ZNF18: variants seen among roughly 807,000 people sequenced by gnomAD.
ZNF18 encodes the protein zinc finger protein 18, also known as heart development-specific gene 1 protein.
A neutral mutation model predicts 58.1 loss-of-function variants in ZNF18; 42 were observed. That is an observed-to-expected ratio of 0.72 (90% CI 0.56 to 0.93). The LOEUF (loss-of-function observed/expected upper bound fraction) is 0.93. ZNF18 is among the 40% of genes least tolerant of loss of function. The pLI is 0.00. For synonymous variants in ZNF18, 231 were observed against 239.8 expected (o/e 0.96, Z 0.34); for missense variants, 540 against 644.2 (o/e 0.84, Z 1.75).
chr17:12,001,627 T>C (rs1332453139), upstream of ZNF18, among the ~76,000 whole-genome samples: 1 of 150,940 alleles, frequency 6.6e-6, no homozygotes, highest in Non-Finnish European at 1.5e-5. Context: ...AGACTCCGTC[T>C]CAAAACAAAC....
intron 4 of ZNF18, among the ~76,000 whole-genome samples, chr17:11,986,104 T>C (rs11078047): frequency 0.24 from 36,364 of 152,148 alleles, 5,173 homozygotes; most frequent in Middle Eastern, 0.35. Flanking sequence ...GTTCTCATCA[T>C]AGTGAATAAG....
chr17:12,000,181 A>C (rs150557525), upstream of ZNF18, among the ~76,000 whole-genome samples: 1,364 of 152,262 alleles, frequency 9.0e-3, 21 homozygotes, highest in African/African-American at 0.031. Context: ...TCAGTCTCCC[A>C]AAGTGCTGGA....
At chr17:12,007,872 C>T in the ZNF18 span, among the ~76,000 whole-genome samples, 1 of 152,018 alleles carries the variant, frequency 6.6e-6, no homozygotes, top group Non-Finnish European at 1.5e-5. Context: ...TCTGTCACTG[C>T]TAATTAGCAC....
chr17:12,021,171 C>G, the ZNF18 span, among the ~76,000 whole-genome samples: 2 of 151,620 alleles, frequency 1.3e-5, no homozygotes, highest in African/African-American at 2.4e-5. Context: ...GCCTCCGGCC[C>G]GGCTTGGATC....
chr17:11,991,233 T>C, intron 2 of ZNF18, 70 bp from the exon 3 acceptor site: 1 of 1,367,028 alleles, frequency 7.3e-7, no homozygotes, highest in Non-Finnish European at 1.0e-6. Context: ...ACACAAAGCT[T>C]ACTCTCTACA....
chr17:12,017,706 C>A, the ZNF18 span, among the ~76,000 whole-genome samples: 1 of 151,682 alleles, frequency 6.6e-6, no homozygotes, highest in Admixed American at 6.6e-5. Flanking sequence ...GGTGAAACCC[C>A]GTCTCTACTA....
the ZNF18 span, chr17:12,021,447 C>T: frequency 6.6e-6 from 1 of 151,936 alleles, no homozygotes; most frequent in East Asian, 1.9e-4. Context: ...GACAGCGGCC[C>T]CGGCCGGCGC....
chr17:11,988,691 C>T (rs1597967032), intron 4 of ZNF18, among the ~76,000 whole-genome samples: 6 of 152,118 alleles, frequency 3.9e-5, no homozygotes, highest in Admixed American at 6.5e-5. Flanking sequence ...GAATAATCCT[C>T]GACTAAATGT....
At chr17:12,006,963 T>G in the ZNF18 span, among the ~76,000 whole-genome samples, 1 of 152,228 alleles carries the variant, frequency 6.6e-6, no homozygotes, top group Admixed American at 6.5e-5. Flanking sequence ...ATTCTGTGAC[T>G]GTGGCCTCAT....
the ZNF18 span, chr17:12,020,954 C>G: frequency 8.2e-7 from 1 of 1,216,856 alleles, no homozygotes; most frequent in African/African-American, 1.6e-5. Context: ...ACCCCCGGCC[C>G]CGTAGGGTCC....
At chr17:12,000,218 C>A (rs754078764), upstream of ZNF18, among the ~76,000 whole-genome samples, 7 of 152,040 alleles carry the variant, frequency 4.6e-5, no homozygotes. Flanking sequence ...ACCAGGCCCA[C>A]CCATAAACGT....
intron 4 of ZNF18, among the ~76,000 whole-genome samples, chr17:11,990,201 T>C (rs2151481566): frequency 6.6e-6 from 1 of 152,200 alleles, no homozygotes; most frequent in African/African-American, 2.4e-5. Flanking sequence ...AATCAAATTG[T>C]TTTAAAAAAT....
chr17:12,004,933 A>G, the ZNF18 span, among the ~76,000 whole-genome samples: 2 of 150,884 alleles, frequency 1.3e-5, no homozygotes, highest in Non-Finnish European at 3.0e-5. Context: ...TTATATCTCT[A>G]TCACTATACT....
chr17:12,011,284 AAG>A, the ZNF18 span: 1 of 312,200 alleles, frequency 3.2e-6, no homozygotes, highest in Non-Finnish European at 6.0e-6. Flanking sequence ...GAAACTTTAA[AAG>A]AATATAAATG....
At position 11,978,840 on chromosome 17, in the gene ZNF18, C is replaced by CTTTTTT. The variant is rs56969015; in HGVS notation, c.863-102_863-97dup. The CTTTTTT allele has an allele frequency of 5.8e-4, 70 of 120,550 alleles. 2 individuals are homozygous for CTTTTTT. Among genetic ancestry groups the CTTTTTT allele is most frequent in the African/African-American group, 1.1e-3 (21 of 19,448 alleles). The allele number at this position is 120,550 out of a possible 1,614,324, so 7.5% of individuals were successfully genotyped here. On this transcript the variant is annotated intron_variant, in intron 6 of 6. Coordinates refer to ENST00000580306, the MANE Select transcript of ZNF18 (RefSeq NM_001303281.2). ...AGGGTCATCATAAAACATTCATTTT[C>CTTTTTT]TTTTTTTTTTTTTTTTTTTTTTTTT...
the ZNF18 span, among the ~76,000 whole-genome samples, chr17:12,008,959 C>T: frequency 7.9e-5 from 12 of 152,300 alleles, no homozygotes; most frequent in Non-Finnish European, 1.5e-4. Context: ...GTCCAAAATT[C>T]GGAGCATAGC....
the ZNF18 span, among the ~76,000 whole-genome samples, chr17:12,019,579 T>C: frequency 6.6e-6 from 1 of 151,960 alleles, no homozygotes; most frequent in African/African-American, 2.4e-5. Context: ...TCTGGCGGGC[T>C]CTCCACTGAA....
intron 1 of ZNF18, among the ~76,000 whole-genome samples, chr17:11,996,350 T>C (rs1410760109): frequency 6.6e-6 from 1 of 152,228 alleles, no homozygotes; most frequent in Non-Finnish European, 1.5e-5. Context: ...GATAGCAAGA[T>C]ACCGACCTGT....
At chr17:11,988,166 AG>A (rs1173242070) in intron 4 of ZNF18, among the ~76,000 whole-genome samples, 1 of 152,258 alleles carries the variant, frequency 6.6e-6, no homozygotes, top group Non-Finnish European at 1.5e-5. Context: ...ATGAAGTATT[AG>A]GAATTGTTGA....
Sources: allele counts gnomAD v4.1 joint callset (sites outside exome capture counted in the v4.1 genomes callset), GRCh38; gene constraint gnomAD v4.1.1; transcripts MANE v1.5; gene names NCBI Gene and HGNC (gene_info 2026-07-23, HGNC 2026-07-21).